The following PACS1 variants were observed in gnomAD, a reference collection of about 807,000 sequenced individuals.
PACS1 encodes phosphofurin acidic cluster sorting protein 1, also known as PACS-1.
A neutral mutation model predicts 115.0 loss-of-function variants in PACS1; 24 were observed. The ratio of observed to expected loss-of-function variants is 0.21; its 90% CI spans 0.15 to 0.29. The LOEUF (loss-of-function observed/expected upper bound fraction) is 0.29. Ranked by LOEUF, PACS1 falls within the 10% of genes least tolerant of loss-of-function variation. PACS1 has a pLI of 1.00. For synonymous variants in PACS1, 453 were observed against 504.5 expected (o/e 0.90, Z 1.37); for missense variants, 838 against 1,251.2 (o/e 0.67, Z 4.98).
At chr11:66,087,234 G>A (rs543640125) in intron 1 of PACS1, among the ~76,000 whole-genome samples, 1 of 150,340 alleles carries the variant, frequency 6.7e-6, no homozygotes, top group African/African-American at 2.5e-5. Flanking sequence ...AAGAACACTT[G>A]TTTTTTTTTT....
chr11:66,202,053 GA>G (rs1305097280), intron 2 of PACS1, among the ~76,000 whole-genome samples: 1 of 152,162 alleles, frequency 6.6e-6, no homozygotes, highest in Non-Finnish European at 1.5e-5. Context: ...GATGAAAAAA[GA>G]GGTGACTGAC....
At chr11:66,076,486 C>A (rs1008439975) in intron 1 of PACS1, among the ~76,000 whole-genome samples, 4 of 151,948 alleles carry the variant, frequency 2.6e-5, no homozygotes, top group Admixed American at 1.3e-4. Context: ...CTGCAACCTC[C>A]GCCTCCCAGG....
rs530894217 is a variant in PACS1, at chr11:66,236,966, G to A, written c.2250+1026G>A. On this transcript the variant is annotated intron_variant, in intron 19 of 23. Coordinates refer to ENST00000320580, the MANE Select transcript of PACS1 (RefSeq NM_018026.4). This position sits in a 1 kb window ranked among gnomAD's most constrained non-coding sequence, Gnocchi z 4.2. The stretch of plus-strand genomic sequence containing the variant: ...ACAGAGTCTCACTCTGTTGCCAGGC[G>A]GGAGTGCAGTGGCGCGATCTCGACT... 2.0e-5 allele frequency among the ~76,000 whole-genome samples: 3 copies of A among 150,924 alleles called. No individual in the cohort carries two copies. Among genetic ancestry groups the A allele is most frequent in the African/African-American group, 4.9e-5 (2 of 41,092 alleles).
At chr11:66,223,115 G>A (rs920062079) in intron 10 of PACS1, among the ~76,000 whole-genome samples, 4 of 151,420 alleles carry the variant, frequency 2.6e-5, no homozygotes, top group East Asian at 3.9e-4. Flanking sequence ...TATTGGAGTC[G>A]GAGTTTTGCT....
chr11:66,216,648 A>C, intron 6 of PACS1, 37 bp downstream of exon 6: 1 of 1,610,496 alleles, frequency 6.2e-7, no homozygotes, highest in Non-Finnish European at 8.5e-7. Flanking sequence ...CGTGTCCAAG[A>C]AGCTCCTGGG....
chr11:66,096,522 G>A (rs1331395800), intron 1 of PACS1, among the ~76,000 whole-genome samples: 1 of 136,912 alleles, frequency 7.3e-6, no homozygotes, highest in African/African-American at 2.8e-5. Flanking sequence ...TTTTTTTTGA[G>A]ACGGGAGTTT....
intron 1 of PACS1, among the ~76,000 whole-genome samples, chr11:66,131,841 A>C (rs983320833): frequency 6.6e-6 from 1 of 151,674 alleles, no homozygotes. Context: ...CTCCAGTTTG[A>C]TTTTTTCTCT....
At chr11:66,226,705 T>C (rs1199847819) in intron 10 of PACS1, among the ~76,000 whole-genome samples, 12 of 152,146 alleles carry the variant, frequency 7.9e-5, no homozygotes, top group Admixed American at 7.9e-4. Context: ...CTTTGAGTCA[T>C]TGGGAGGAAG....
chr11:66,079,917 C>CT (rs1270889553), intron 1 of PACS1, among the ~76,000 whole-genome samples: 1 of 152,208 alleles, frequency 6.6e-6, no homozygotes, highest in East Asian at 1.9e-4. Flanking sequence ...GCTGTTCCCT[C>CT]TACCTGTGAT....
intron 10 of PACS1, among the ~76,000 whole-genome samples, chr11:66,222,945 AGACTCCTCCCTGG>A (rs1260147256): frequency 1.3e-5 from 2 of 151,034 alleles, no homozygotes; most frequent in Non-Finnish European, 2.9e-5. Flanking sequence ...CAGCCCAAAC[AGACTCCTCCCTGG>A]GAGAAACCCC....
At chr11:66,161,176 A>G (rs1196817207) in intron 1 of PACS1, among the ~76,000 whole-genome samples, 1 of 152,230 alleles carries the variant, frequency 6.6e-6, no homozygotes, top group Non-Finnish European at 1.5e-5. Context: ...AGCCTCTGAA[A>G]TAGAGAATAT....
intron 1 of PACS1, among the ~76,000 whole-genome samples, chr11:66,102,977 C>T (rs766509927): frequency 3.3e-5 from 5 of 152,104 alleles, no homozygotes; most frequent in African/African-American, 7.2e-5. Context: ...ATTAAAGGCA[C>T]GTGCCACCAC....
intron 1 of PACS1, among the ~76,000 whole-genome samples, chr11:66,138,530 C>T (rs1405439887): frequency 6.6e-6 from 1 of 152,130 alleles, no homozygotes; most frequent in Non-Finnish European, 1.5e-5. Context: ...CTTGCACAAA[C>T]CTGAGAGCAA....
chr11:66,184,674 C>T (rs1039660323), intron 1 of PACS1, among the ~76,000 whole-genome samples: 12 of 152,192 alleles, frequency 7.9e-5, no homozygotes, highest in Admixed American at 3.9e-4. Context: ...CCCAGTTACT[C>T]AGTGATCTCC....
chr11:66,197,402 T>C (rs1854674416), intron 2 of PACS1, among the ~76,000 whole-genome samples: 1 of 152,206 alleles, frequency 6.6e-6, no homozygotes, highest in African/African-American at 2.4e-5. Context: ...CTTATTGATA[T>C]TATTTAAAAT....
At chr11:66,229,260 A>G (rs1405792672) in intron 11 of PACS1, among the ~76,000 whole-genome samples, 1 of 151,380 alleles carries the variant, frequency 6.6e-6, no homozygotes, top group Non-Finnish European at 1.5e-5. Flanking sequence ...TTAGCCAGGC[A>G]TGCTGACATG....
chr11:66,145,612 A>G (rs1859103853), intron 1 of PACS1, among the ~76,000 whole-genome samples: 1 of 152,216 alleles, frequency 6.6e-6, no homozygotes, highest in Non-Finnish European at 1.5e-5. Flanking sequence ...AGGTAAAACT[A>G]GAGAGATCCC....
chr11:66,220,974 C>T (rs1364664605), intron 9 of PACS1, among the ~76,000 whole-genome samples, 180 bp from the exon 10 acceptor site: 1 of 152,138 alleles, frequency 6.6e-6, no homozygotes, highest in East Asian at 1.9e-4. Flanking sequence ...CTATAGGACT[C>T]TCAGGAAGTA....
chr11:66,216,572 A>T lies in PACS1; in HGVS notation c.858A>T (p.Ser286=), dbSNP rs114730283. The T allele has an allele frequency of 1.2e-6, 2 of 1,614,044 alleles. No homozygotes were observed. Among genetic ancestry groups the T allele is most frequent in the East Asian group, 2.2e-5 (1 of 44,868 alleles). ...NYSEEEEESF[S]SEQEGSDDPL... ...CTGAGGAAGAGGAAGAGAGTTTCTC[A>T]TCAGAACAGGAAGGCAGTGATGATC... Residue 286 remains serine (S), a synonymous_variant, in exon 6 of 24, where the codon TCA becomes TCT. Coordinates refer to ENST00000320580, the MANE Select transcript of PACS1 (RefSeq NM_018026.4).
Sources: allele counts gnomAD v4.1 joint callset (sites outside exome capture counted in the v4.1 genomes callset), GRCh38; gene constraint gnomAD v4.1.1; non-coding constraint Gnocchi (gnomAD v3.1); transcripts MANE v1.5; gene names NCBI Gene and HGNC (gene_info 2026-07-23, HGNC 2026-07-21).